Variants in RBFOX1 observed in about 807,000 individuals in gnomAD.
RBFOX1 encodes the protein RNA binding protein fox-1 homolog 1.
In RBFOX1, 8 loss-of-function variants were observed where a neutral mutation model predicts 57.7. The observed-to-expected ratio is 0.14, with a 90% CI of 0.08 to 0.25. The LOEUF (loss-of-function observed/expected upper bound fraction) is 0.25. RBFOX1 is among the 10% of genes least tolerant of loss of function. The pLI is 1.00. For synonymous variants in RBFOX1, 326 were observed against 222.4 expected (o/e 1.47, Z -4.15); for missense variants, 611 against 548.5 (o/e 1.11, Z -1.14).
intron 3 of RBFOX1, among the ~76,000 whole-genome samples, chr16:6,766,484 G>A (rs150967054): frequency 3.0e-4 from 45 of 151,976 alleles, no homozygotes; most frequent in Middle Eastern, 3.4e-3. Context: ...AATCTTTGAG[G>A]GGGAGAGGGG....
At chr16:6,634,446 A>C (rs2098415002) in intron 2 of RBFOX1, among the ~76,000 whole-genome samples, 1 of 151,480 alleles carries the variant, frequency 6.6e-6, no homozygotes, top group African/African-American at 2.4e-5. Flanking sequence ...TCCCGGGCTT[A>C]GTGAAGTTGC....
intron 4 of RBFOX1, among the ~76,000 whole-genome samples, chr16:5,932,425 C>G (rs922202680): frequency 4.6e-5 from 7 of 152,222 alleles, no homozygotes; most frequent in Middle Eastern, 3.4e-3. Context: ...TCCAGCACCT[C>G]CAGATGAAAA....
chr16:7,650,424 C>T (rs1187270720), intron 11 of RBFOX1, among the ~76,000 whole-genome samples: 4 of 152,112 alleles, frequency 2.6e-5, no homozygotes, highest in South Asian at 4.2e-4. Context: ...AAGAAGTCCC[C>T]CAATGTGCCC....
At chr16:5,609,274 G>C (rs909895047) in intron 3 of RBFOX1, among the ~76,000 whole-genome samples, 11 of 152,170 alleles carry the variant, frequency 7.2e-5, no homozygotes, top group African/African-American at 2.7e-4. Context: ...TCATTTTACA[G>C]AAAGGAGAGC....
chr16:7,689,951 T>C (rs2076965113), intron 14 of RBFOX1, among the ~76,000 whole-genome samples: 1 of 152,056 alleles, frequency 6.6e-6, no homozygotes. Context: ...AAAACCTAAG[T>C]AGCTAGGTTG....
intron 4 of RBFOX1, among the ~76,000 whole-genome samples, chr16:7,425,489 A>G (rs1047034726): frequency 2.0e-5 from 3 of 152,188 alleles, no homozygotes; most frequent in African/African-American, 2.4e-5. Flanking sequence ...TTAAAATTAC[A>G]TTTATATCAG....
chr16:6,686,202 G>A (rs1026461115), intron 3 of RBFOX1, among the ~76,000 whole-genome samples: 1 of 152,152 alleles, frequency 6.6e-6, no homozygotes, highest in East Asian at 1.9e-4. Context: ...AGGTTTCCAC[G>A]GTTCAGATGT....
At chr16:6,878,527 C>G (rs2062276282) in intron 3 of RBFOX1, among the ~76,000 whole-genome samples, 1 of 152,218 alleles carries the variant, frequency 6.6e-6, no homozygotes. Context: ...TATTCCTGGA[C>G]CTTTTAGATT....
intron 3 of RBFOX1, among the ~76,000 whole-genome samples, chr16:6,976,557 G>C (rs1030482048): frequency 4.0e-5 from 6 of 151,840 alleles, no homozygotes; most frequent in South Asian, 2.1e-4. Flanking sequence ...AAGTTTATTA[G>C]GAAAGGCAAG....
At chr16:6,826,066 C>G (rs1206839464) in intron 3 of RBFOX1, among the ~76,000 whole-genome samples, 6 of 151,922 alleles carry the variant, frequency 3.9e-5, no homozygotes, top group Non-Finnish European at 8.8e-5. Flanking sequence ...TGCCCAGGTC[C>G]CCCACGTTCA....
intron 3 of RBFOX1, among the ~76,000 whole-genome samples, chr16:7,013,955 G>T (rs1010521824): frequency 2.0e-5 from 3 of 152,118 alleles, no homozygotes; most frequent in Admixed American, 1.3e-4. Context: ...ACGGCGCTTG[G>T]CTAAAATGCT....
intron 5 of RBFOX1, among the ~76,000 whole-genome samples, chr16:7,578,039 T>A (rs2093469613): frequency 2.0e-5 from 3 of 152,282 alleles, no homozygotes; most frequent in Non-Finnish European, 4.4e-5. Context: ...TCAGTAAAGA[T>A]GTGTAAACAC....
At chr16:6,549,858 C>A (rs1343272430) in intron 2 of RBFOX1, among the ~76,000 whole-genome samples, 1 of 152,124 alleles carries the variant, frequency 6.6e-6, no homozygotes, top group Non-Finnish European at 1.5e-5. Context: ...CACAAGCACA[C>A]AGTAGTAGAG....
intron 3 of RBFOX1, among the ~76,000 whole-genome samples, chr16:5,746,531 G>C (rs926683389): frequency 1.3e-5 from 2 of 152,210 alleles, no homozygotes; most frequent in Non-Finnish European, 2.9e-5. Context: ...ACCTTGGGCA[G>C]TATGGCCATC....
At chr16:6,380,224 G>T (rs1344235689) in intron 2 of RBFOX1, among the ~76,000 whole-genome samples, 1 of 151,950 alleles carries the variant, frequency 6.6e-6, no homozygotes, top group Non-Finnish European at 1.5e-5. Flanking sequence ...TTTATTGGGT[G>T]CCTTCTGTGC....
rs555947184 is a variant in RBFOX1, at chr16:6,628,351, C to T, written c.-63-26252C>T. Among the ~76,000 whole-genome samples the T allele has an allele frequency of 1.2e-3, 179 of 152,224 alleles. 1 individual carries two copies. The highest frequency in any genetic ancestry group is 3.9e-3 in the African/African-American group (162 of 41,532). Reference sequence around the variant, plus strand: ...CTAAACCTAGAGTATGTCCCAACAGCAGGATGTGATTTTATGTTTTGTGGT... The same window carrying T: ...CTAAACCTAGAGTATGTCCCAACAGTAGGATGTGATTTTATGTTTTGTGGT... On this transcript the variant is annotated intron_variant, in intron 2 of 15. Coordinates refer to ENST00000550418, the MANE Select transcript of RBFOX1 (RefSeq NM_018723.4).
At chr16:7,516,138 C>T (rs1470443000) in intron 4 of RBFOX1, among the ~76,000 whole-genome samples, 1 of 152,132 alleles carries the variant, frequency 6.6e-6, no homozygotes, top group Non-Finnish European at 1.5e-5. Flanking sequence ...AGGCAACATG[C>T]CCACCCTAAG....
chr16:7,279,683 A>G (rs146106589), intron 4 of RBFOX1, among the ~76,000 whole-genome samples: 4 of 152,344 alleles, frequency 2.6e-5, no homozygotes, highest in East Asian at 3.9e-4. Flanking sequence ...ACATCATTCT[A>G]TGAACTAGCA....
intron 3 of RBFOX1, among the ~76,000 whole-genome samples, chr16:6,681,834 A>G (rs976465122): frequency 6.6e-6 from 1 of 152,224 alleles, no homozygotes; most frequent in African/African-American, 2.4e-5. Flanking sequence ...GGGATACTCT[A>G]AAGACAAAGT....
Sources: gnomAD v4.1 joint callset for allele counts (sites outside exome capture counted in the v4.1 genomes callset) on GRCh38, gnomAD v4.1.1 for gene constraint, MANE v1.5 for transcripts, NCBI Gene and HGNC (gene_info 2026-07-23, HGNC 2026-07-21) for gene names.